The following NUDT2 variants were observed in gnomAD, a reference collection of about 807,000 sequenced individuals.
NUDT2 encodes the protein nudix hydrolase 2.
Under a neutral mutation model 14.2 loss-of-function variants are expected in NUDT2, and 12 were observed. The ratio of observed to expected loss-of-function variants is 0.84; its 90% CI spans 0.54 to 1.37. The LOEUF is 1.37. Ranked by LOEUF, NUDT2 falls within the 40% of genes most tolerant of loss-of-function variation. NUDT2 has a pLI of 0.00. For missense variants in NUDT2, 167 were observed against 176.7 expected (o/e 0.95, Z 0.31); for synonymous variants, 67 against 67.4 (o/e 0.99, Z 0.03).
rs201292035 is a variant in NUDT2 at position 34,339,128 on chromosome 9, A to G, written c.89A>G (p.Gln30Arg). Reference protein sequence around the residue: ...DNNAIEFLLLQASDGIHHWTP... With the variant: ...DNNAIEFLLLRASDGIHHWTP... The stretch of plus-strand genomic sequence containing the variant: ...AATGCAATTGAGTTTTTACTGCTGC[A>G]GGCATCAGATGGCATTCATCACTGG... The change falls in exon 4 of 5, where the codon CAG becomes CGG. Residue 30 changes from glutamine to arginine, a missense_variant. Physicochemically the swap from Gln to Arg is conservative, Grantham distance 43. Transcript: ENST00000379158. 4 of 1,614,090 alleles carry G rather than the reference A, an allele frequency of 2.5e-6. No individual in the cohort carries two copies. The highest frequency in any genetic ancestry group is 1.7e-6 in the Non-Finnish European group (2 of 1,179,956).
chr9:34,339,445 GA>G (rs1838180725), intron 4 of NUDT2, among the ~76,000 whole-genome samples: 2 of 152,148 alleles, frequency 1.3e-5, no homozygotes, highest in Admixed American at 1.3e-4. Context: ...CTGGGTAAGA[GA>G]AAAAACAGTG....
At chr9:34,337,300 C>T (rs955359184) in intron 2 of NUDT2, among the ~76,000 whole-genome samples, 1 of 152,066 alleles carries the variant, frequency 6.6e-6, no homozygotes, top group Non-Finnish European at 1.5e-5. Context: ...GTGCCCGGCC[C>T]GTTGTGTGTA....
chr9:34,340,206 G>C (rs1327603750), intron 4 of NUDT2, among the ~76,000 whole-genome samples: 1 of 152,204 alleles, frequency 6.6e-6, no homozygotes, highest in Non-Finnish European at 1.5e-5. Flanking sequence ...AAAGTGCTGG[G>C]ATTACAGGCG....
At chr9:34,331,158 G>T (rs1837920668) in intron 1 of NUDT2, among the ~76,000 whole-genome samples, 2 of 152,106 alleles carry the variant, frequency 1.3e-5, no homozygotes, top group Non-Finnish European at 2.9e-5. Flanking sequence ...TATATTAAAA[G>T]GAATTTATGC....
Position 34,335,669 on chromosome 9 carries a change from C to A in NUDT2, c.-264-560C>A, listed in dbSNP as rs931370981. Among the ~76,000 whole-genome samples the A allele has an allele frequency of 3.9e-5, 6 of 152,204 alleles. No homozygotes were observed. In the East Asian group the frequency reaches 1.2e-3, roughly 29 times the overall value. On this transcript the variant is annotated intron_variant, in intron 1 of 4. Coordinates refer to ENST00000379158, the MANE Select transcript of NUDT2 (RefSeq NM_001161.5). ...GTTCTGTATTTCTAGAAGAACTGTT[C>A]TTTCCATGGGTCCAGAATATAGATG...
At position 34,339,186 on chromosome 9, in the gene NUDT2, G is replaced by C; in HGVS notation, c.127+20G>C. ...CCAAAGGTAGAGGCCAGAGGGGCCA[G>C]CTCTTGGGAAACTGCCAACCACTGC... is the stretch of plus-strand genomic sequence containing the variant. On this transcript the variant is annotated intron_variant, in intron 4 of 4. Coordinates refer to ENST00000379158, the MANE Select transcript of NUDT2 (RefSeq NM_001161.5). 1 of 1,605,906 alleles carries C rather than the reference G, an allele frequency of 6.2e-7. No homozygotes were observed. The highest frequency in any genetic ancestry group is 8.5e-7 in the Non-Finnish European group (1 of 1,173,682).
intron 2 of NUDT2, among the ~76,000 whole-genome samples, chr9:34,337,469 A>G (rs773522066): frequency 1.3e-5 from 2 of 152,298 alleles, no homozygotes; most frequent in South Asian, 2.1e-4. Flanking sequence ...AGCACAGACC[A>G]TTTCAGAAAT....
At chr9:34,340,713 C>T (rs1034717889) in intron 4 of NUDT2, among the ~76,000 whole-genome samples, 2 of 152,172 alleles carry the variant, frequency 1.3e-5, no homozygotes, top group Non-Finnish European at 2.9e-5. Flanking sequence ...AAAAAGGAGC[C>T]CTTCTTGGCT....
intron 1 of NUDT2, among the ~76,000 whole-genome samples, chr9:34,329,848 G>T (rs1837837189): frequency 7.1e-6 from 1 of 141,772 alleles, no homozygotes; most frequent in Non-Finnish European, 1.5e-5. Context: ...GTCGGAGTGG[G>T]GATAGGGTGG....
In NUDT2 at chr9:34,343,471, A is replaced by G; in HGVS notation, c.*31A>G. On this transcript the variant is annotated 3_prime_UTR_variant, in exon 5 of 5. Coordinates refer to ENST00000379158, the MANE Select transcript of NUDT2 (RefSeq NM_001161.5). Reference sequence around the variant, plus strand: ...CTGGAGCAGAGTCATTTGCTTCAGCAGGATCCTTGTGGGCCTTCTAAGATG... The same window carrying G: ...CTGGAGCAGAGTCATTTGCTTCAGCGGGATCCTTGTGGGCCTTCTAAGATG... The G allele has an allele frequency of 6.6e-7, 1 of 1,525,898 alleles. No individual in the cohort carries two copies. Among genetic ancestry groups the G allele is most frequent in the Admixed American group, 2.1e-5 (1 of 48,560 alleles). The allele number at this position is 1,525,898 out of a possible 1,614,324, so 94.5% of individuals were successfully genotyped here. A position where few individuals can be genotyped will look rare whatever the true frequency, so the allele number is the denominator to read the frequency against.
In NUDT2 at chr9:34,343,108, C is replaced by T. The variant is rs201530013; in HGVS notation, c.128-16C>T. The T allele has an allele frequency of 6.3e-7, 1 of 1,576,304 alleles. No homozygotes were observed. Among genetic ancestry groups the T allele is most frequent in the East Asian group, 2.3e-5 (1 of 44,306 alleles). On this transcript the variant is annotated splice_polypyrimidine_tract_variant and intron_variant, in intron 4 of 4. Transcript: ENST00000379158. The stretch of plus-strand genomic sequence containing the variant: ...AAGATTTCCTCCTCCTTTTCTTCCT[C>T]TTTTCTCCTAACTAGGCCATGTGGA...
chr9:34,330,481 A>G (rs1837879219), intron 1 of NUDT2, among the ~76,000 whole-genome samples: 1 of 152,146 alleles, frequency 6.6e-6, no homozygotes, highest in African/African-American at 2.4e-5. Flanking sequence ...AGTTAAGGTT[A>G]AGATCATTGA....
chr9:34,333,067 G>A (rs572391896), intron 1 of NUDT2, among the ~76,000 whole-genome samples: 2 of 152,228 alleles, frequency 1.3e-5, no homozygotes, highest in South Asian at 4.1e-4. Flanking sequence ...AGGAGGGTCT[G>A]GGCAAATTTT....
chr9:34,337,534 C>T (rs561436869), intron 2 of NUDT2, among the ~76,000 whole-genome samples: 1 of 152,252 alleles, frequency 6.6e-6, no homozygotes, highest in East Asian at 1.9e-4. Flanking sequence ...TTTAGAAAAG[C>T]TTGGAAAGGT....
chr9:34,340,717 C>G (rs1350012778), intron 4 of NUDT2, among the ~76,000 whole-genome samples: 1 of 152,210 alleles, frequency 6.6e-6, no homozygotes, highest in Non-Finnish European at 1.5e-5. Context: ...AGGAGCCCTT[C>G]TTGGCTGAGG....
intron 4 of NUDT2, among the ~76,000 whole-genome samples, chr9:34,341,762 G>A (rs1023049463): frequency 2.0e-5 from 3 of 152,122 alleles, no homozygotes; most frequent in South Asian, 2.1e-4. Flanking sequence ...CACCCGCCTC[G>A]GCCTCCCAGA....
chr9:34,343,043 A>G, intron 4 of NUDT2, 81 bp from the exon 5 acceptor site: 1 of 1,395,188 alleles, frequency 7.2e-7, no homozygotes, highest in Non-Finnish European at 9.8e-7. Context: ...CAGAAAAAAA[A>G]AAAAATCTTG....
intron 2 of NUDT2, among the ~76,000 whole-genome samples, chr9:34,338,313 T>G: frequency 1.1e-5 from 1 of 93,238 alleles, no homozygotes; most frequent in Non-Finnish European, 2.0e-5. Context: ...GGCAATATAG[T>G]GAGACCCTGT....
chr9:34,335,281 C>T (rs1838062450), intron 1 of NUDT2, among the ~76,000 whole-genome samples: 1 of 152,204 alleles, frequency 6.6e-6, no homozygotes, highest in Non-Finnish European at 1.5e-5. Flanking sequence ...TGTTCTCTTC[C>T]ACCTCACATC....
Sources: allele counts gnomAD v4.1 joint callset (sites outside exome capture counted in the v4.1 genomes callset), GRCh38; gene constraint gnomAD v4.1.1; transcripts MANE v1.5; gene names NCBI Gene and HGNC (gene_info 2026-07-23, HGNC 2026-07-21).